The following CPAMD8 variants were observed in gnomAD, a reference collection of about 807,000 sequenced individuals.
CPAMD8 encodes C3 and PZP like alpha-2-macroglobulin domain containing 8, also known as C3 and PZP-like alpha-2-macroglobulin domain-containing protein 8.
In CPAMD8, 146 loss-of-function variants were observed where a neutral mutation model predicts 224.7. That is an observed-to-expected ratio of 0.65 (90% CI 0.57 to 0.75). The LOEUF (loss-of-function observed/expected upper bound fraction) is 0.75. CPAMD8 is among the 30% of genes least tolerant of loss of function. CPAMD8 has a pLI of 0.00. For missense variants in CPAMD8, 2,301 were observed against 2,537.5 expected (o/e 0.91, Z 2.00); for synonymous variants, 966 against 1,044.6 (o/e 0.92, Z 1.45).
At chr19:17,019,434 T>A (rs1360664330) in intron 3 of CPAMD8, among the ~76,000 whole-genome samples, 1 of 152,128 alleles carries the variant, frequency 6.6e-6, no homozygotes, top group Non-Finnish European at 1.5e-5. Context: ...GTGGTGTGTG[T>A]CCTTTAACTG....
At chr19:16,972,749 C>T (rs1484399305) in intron 17 of CPAMD8, among the ~76,000 whole-genome samples, 1 of 152,154 alleles carries the variant, frequency 6.6e-6, no homozygotes, top group African/African-American at 2.4e-5. Flanking sequence ...ATAAGAAATT[C>T]AAACCCAGTT....
At position 16,898,112 on chromosome 19, in the gene CPAMD8, G is replaced by C; in HGVS notation, c.4849-118C>G. ...AGGACGCGTGAAACACAGAAGAAAC[G>C]TGATCCCATTTTCTTTTTTTCTTTT... On this transcript the variant is annotated intron_variant, in intron 37 of 41. Coordinates refer to ENST00000443236, the MANE Select transcript of CPAMD8 (RefSeq NM_015692.5). The surrounding 1 kb of genome is among the most constrained non-coding windows in gnomAD (Gnocchi z 4.2). The C allele has an allele frequency of 1.6e-6, 1 of 642,844 alleles. No individual in the cohort carries two copies. Among genetic ancestry groups the C allele is most frequent in the African/African-American group, 1.9e-5 (1 of 51,754 alleles). 39.8% of individuals were successfully genotyped at this position (642,844 alleles called of 1,614,324 possible).
chr19:16,939,864 G>A (rs563571866), intron 22 of CPAMD8, among the ~76,000 whole-genome samples: 2 of 151,974 alleles, frequency 1.3e-5, no homozygotes, highest in African/African-American at 4.8e-5. Flanking sequence ...GCTTTACTGG[G>A]TCTTTAGCTT....
intron 7 of CPAMD8, among the ~76,000 whole-genome samples, chr19:17,006,613 C>T (rs541035876): frequency 6.6e-6 from 1 of 152,248 alleles, no homozygotes; most frequent in South Asian, 2.1e-4. Context: ...GCTCTCAGCA[C>T]TCAACATCTC....
At chr19:16,928,769 G>GTTT (rs140892830) in intron 24 of CPAMD8, among the ~76,000 whole-genome samples, 173 bp downstream of exon 24, 7 of 127,866 alleles carry the variant, frequency 5.5e-5, no homozygotes, top group African/African-American at 8.3e-5. Context: ...CTTGCTACAT[G>GTTT]TTTTTTTTTT....
chr19:16,977,256 T>C, intron 15 of CPAMD8, 112 bp downstream of exon 15: 1 of 702,238 alleles, frequency 1.4e-6, no homozygotes, highest in Non-Finnish European at 2.5e-6. Flanking sequence ...ATTCCTTACA[T>C]CATGCTGCGA....
rs2054133996 is a variant in CPAMD8 at position 16,947,215 on chromosome 19, G to A, written c.2521C>T (p.Leu841Phe). Residue 841 changes from leucine (L) to phenylalanine (F), a missense_variant, in exon 21 of 42, where the codon CTC becomes TTC. Leu to Phe is a conservative substitution (Grantham distance 22, BLOSUM62 0). Coordinates refer to ENST00000443236, the MANE Select transcript of CPAMD8 (RefSeq NM_015692.5). ...MGTCAEVYMK[L>F]SVPKGIQFVG... is the part of the protein sequence containing the mutation. ...AACTGGATGCCCTTGGGAACCGAGAGCTTCATGTACACCTGCAGAGGGTGG... is the reference window on the plus strand; with the variant it reads ...AACTGGATGCCCTTGGGAACCGAGAACTTCATGTACACCTGCAGAGGGTGG... The A allele has an allele frequency of 9.3e-6, 15 of 1,612,604 alleles. No homozygotes were observed. Among genetic ancestry groups the A allele is most frequent in the African/African-American group, 1.3e-5 (1 of 75,026 alleles).
intron 29 of CPAMD8, chr19:16,910,455 C>A (rs187947113): frequency 1.4e-5 from 2 of 138,600 alleles, no homozygotes; most frequent in Non-Finnish European, 3.1e-5. Flanking sequence ...CAGGCAGGAG[C>A]CACTGGGCCC....
Position 16,897,875 on chromosome 19 carries a change from G to C in CPAMD8, c.4954+14C>G, listed in dbSNP as rs773960472. ...GGACCGGGCCGGGCCGGGGGTGCGG[G>C]CGCGCGGGCCTACCGGGTTCGTAGT... On this transcript the variant is annotated intron_variant, in intron 38 of 41. Coordinates refer to ENST00000443236, the MANE Select transcript of CPAMD8 (RefSeq NM_015692.5). 2 of 1,597,624 alleles carry C rather than the reference G, an allele frequency of 1.3e-6. No individual in the cohort carries two copies. Among genetic ancestry groups the C allele is most frequent in the Non-Finnish European group, 1.7e-6 (2 of 1,172,730 alleles).
chr19:16,904,451 TG>T lies in CPAMD8; in HGVS notation c.4114+14del, dbSNP rs889060351. On this transcript the variant is annotated intron_variant, in intron 31 of 41. Coordinates refer to ENST00000443236, the MANE Select transcript of CPAMD8 (RefSeq NM_015692.5). ...ATGGCCAAGGCAGGCACCCGGGAGC[TG>T]GGGTGGCCAGTACCTGACTGAGAGA... is the stretch of plus-strand genomic sequence containing the variant. 8 of 1,613,696 alleles carry T rather than the reference TG, an allele frequency of 5.0e-6. No homozygotes were observed. The highest frequency in any genetic ancestry group is 6.8e-6 in the Non-Finnish European group (8 of 1,179,732).
chr19:17,021,967 C>T, intron 2 of CPAMD8, 63 bp downstream of exon 2: 1 of 1,462,940 alleles, frequency 6.8e-7, no homozygotes, highest in South Asian at 1.3e-5. Flanking sequence ...GCCCTGAAGG[C>T]CAGCAAGTGG....
chr19:16,996,767 C>T (rs1462432951), intron 11 of CPAMD8, among the ~76,000 whole-genome samples: 2 of 147,272 alleles, frequency 1.4e-5, no homozygotes, highest in South Asian at 2.2e-4. Flanking sequence ...TGCAGTGAGC[C>T]GAGATGGAGC....
At position 16,959,702 on chromosome 19, in the gene CPAMD8, G is replaced by T. The variant is rs554673260; in HGVS notation, c.2214-1787C>A. On this transcript the variant is annotated intron_variant, in intron 18 of 41. Coordinates refer to ENST00000443236, the MANE Select transcript of CPAMD8 (RefSeq NM_015692.5). ...ATTACAGGCGTCCACCACCATGTCC[G>T]GCTAATTTTTGTATTTTTAGTAGAG... 3.3e-5 allele frequency among the ~76,000 whole-genome samples: 5 copies of T among 151,858 alleles called. No individual in the cohort carries two copies. The East Asian group carries it at 9.7e-4, about 29-fold the overall frequency.
intron 18 of CPAMD8, among the ~76,000 whole-genome samples, chr19:16,960,545 G>A (rs76657604): frequency 1.6e-3 from 245 of 150,938 alleles, no homozygotes; most frequent in Non-Finnish European, 2.7e-3. Context: ...TGTACAAAAT[G>A]ACATTATGGT....
At chr19:16,948,474 C>T (rs534089068) in intron 20 of CPAMD8, among the ~76,000 whole-genome samples, 115 of 152,136 alleles carry the variant, frequency 7.6e-4, no homozygotes, top group South Asian at 1.9e-3. Flanking sequence ...AGGCTGGGTG[C>T]GGTGGCTCAC....
chr19:16,923,348 G>A (rs185690117), intron 26 of CPAMD8, among the ~76,000 whole-genome samples: 383 of 152,316 alleles, frequency 2.5e-3, no homozygotes, highest in African/African-American at 8.5e-3. Flanking sequence ...GGCGACAGAG[G>A]TGGGGAGCCT....
chr19:16,978,991 TC>T (rs1182506577), intron 14 of CPAMD8, among the ~76,000 whole-genome samples: 1 of 148,260 alleles, frequency 6.7e-6, no homozygotes, highest in Non-Finnish European at 1.5e-5. Flanking sequence ...CAATCATCTA[TC>T]CATCTGTTCA....
chr19:17,017,146 T>C (rs1378406012), intron 3 of CPAMD8, among the ~76,000 whole-genome samples: 2 of 152,148 alleles, frequency 1.3e-5, no homozygotes, highest in African/African-American at 2.4e-5. Flanking sequence ...GTGTGAACCC[T>C]ATTGTGAACT....
At chr19:16,980,708 G>C (rs751111337) in intron 13 of CPAMD8, 22 bp from the exon 14 acceptor site, 3 of 1,508,436 alleles carry the variant, frequency 2.0e-6, no homozygotes, top group Non-Finnish European at 2.7e-6. Flanking sequence ...ACGCAGCATG[G>C]GGGGCTCTGC....
Sources: allele counts gnomAD v4.1 joint callset (sites outside exome capture counted in the v4.1 genomes callset), GRCh38; gene constraint gnomAD v4.1.1; non-coding constraint Gnocchi (gnomAD v3.1); transcripts MANE v1.5; gene names NCBI Gene and HGNC (gene_info 2026-07-23, HGNC 2026-07-21).